NALF1: variants seen among roughly 807,000 people sequenced by gnomAD.
NALF1 encodes family with sequence similarity 155 member A.
In NALF1, 3 loss-of-function variants were observed where a neutral mutation model predicts 48.4. The ratio of observed to expected loss-of-function variants is 0.06; its 90% CI spans 0.03 to 0.16. The LOEUF is 0.16. NALF1 is among the 10% of genes least tolerant of loss of function. NALF1 has a pLI of 1.00. For missense variants in NALF1, 526 were observed against 571.5 expected (o/e 0.92, Z 0.81); for synonymous variants, 262 against 245.7 (o/e 1.07, Z -0.62).
intron 1 of NALF1, among the ~76,000 whole-genome samples, chr13:107,316,166 C>T (rs189541534): frequency 4.0e-5 from 6 of 151,824 alleles, no homozygotes; most frequent in African/African-American, 7.3e-5. Context: ...TTTGACCTTG[C>T]GATAGTTTGC....
intron 1 of NALF1, among the ~76,000 whole-genome samples, chr13:107,348,641 T>C (rs992344097): frequency 6.6e-6 from 1 of 152,034 alleles, no homozygotes; most frequent in Admixed American, 6.5e-5. Context: ...CCCCTCCCTG[T>C]GTCCACATGT....
intron 2 of NALF1, among the ~76,000 whole-genome samples, chr13:107,197,697 C>T (rs1879423139): frequency 6.6e-6 from 1 of 152,196 alleles, no homozygotes; most frequent in African/African-American, 2.4e-5. Context: ...CCTTCCAGCT[C>T]TACAGCTCTG....
chr13:107,793,845 GT>G (rs559920669), intron 1 of NALF1, among the ~76,000 whole-genome samples: 3,940 of 145,522 alleles, frequency 0.027, 118 homozygotes, highest in African/African-American at 0.074. Flanking sequence ...ATCACTAAAA[GT>G]TTTTTTTTTT....
chr13:107,708,237 T>C (rs1268375125), intron 1 of NALF1, among the ~76,000 whole-genome samples: 3 of 152,316 alleles, frequency 2.0e-5, no homozygotes, highest in African/African-American at 7.2e-5. Context: ...GCAAGAAGAA[T>C]GATCCTTATT....
At chr13:107,188,579 A>G (rs1056103030) in intron 2 of NALF1, among the ~76,000 whole-genome samples, 2 of 152,134 alleles carry the variant, frequency 1.3e-5, no homozygotes, top group African/African-American at 4.8e-5. Flanking sequence ...AGTTTTTGGG[A>G]GTAATGGAGA....
intron 1 of NALF1, among the ~76,000 whole-genome samples, chr13:107,214,347 T>C (rs941633413): frequency 1.3e-5 from 2 of 152,346 alleles, no homozygotes; most frequent in African/African-American, 4.8e-5. Flanking sequence ...ATAAGAACTA[T>C]GGAGTACAAA....
chr13:107,734,407 A>AT (rs144033603), intron 1 of NALF1, among the ~76,000 whole-genome samples: 4 of 146,494 alleles, frequency 2.7e-5, no homozygotes, highest in African/African-American at 1.0e-4. Flanking sequence ...CCTTTAAAAA[A>AT]AAACACACAC....
chr13:107,454,959 C>G (rs766068129), intron 1 of NALF1, among the ~76,000 whole-genome samples: 1 of 152,034 alleles, frequency 6.6e-6, no homozygotes, highest in African/African-American at 2.4e-5. Flanking sequence ...TGATATGGTT[C>G]GACTTTGTGT....
In NALF1 at chr13:107,478,236, T is replaced by C. The variant is rs573230178; in HGVS notation, c.916-267481A>G. Reference sequence around the variant, plus strand: ...AACACTCATTTTCTCACATAAGAAATGTGCATTTTTGATGTGAACAGAGTA... The same window carrying C: ...AACACTCATTTTCTCACATAAGAAACGTGCATTTTTGATGTGAACAGAGTA... On this transcript the variant is annotated intron_variant, in intron 1 of 2. Transcript: ENST00000375915. 5.3e-5 allele frequency among the ~76,000 whole-genome samples: 8 copies of C among 152,294 alleles called. No homozygotes were observed. In the South Asian group the frequency reaches 1.7e-3, roughly 32 times the overall value.
At chr13:107,279,969 T>C (rs74241524) in intron 1 of NALF1, among the ~76,000 whole-genome samples, 11,047 of 152,238 alleles carry the variant, frequency 0.073, 761 homozygotes, top group East Asian at 0.38. Context: ...GTTTGTTTTG[T>C]ATTATAGAGA....
At chr13:107,405,909 CA>C (rs1883890211) in intron 1 of NALF1, among the ~76,000 whole-genome samples, 1 of 152,066 alleles carries the variant, frequency 6.6e-6, no homozygotes. Flanking sequence ...TGGCAATTAG[CA>C]AATTCAGCCA....
At chr13:107,246,407 T>TAAGCTA (rs142707959) in intron 1 of NALF1, among the ~76,000 whole-genome samples, 1 of 151,988 alleles carries the variant, frequency 6.6e-6, no homozygotes, top group African/African-American at 2.4e-5. Context: ...TAGAGTATTA[T>TAAGCTA]AAGCTAAAGC....
At chr13:107,547,908 T>C (rs1280840079) in intron 1 of NALF1, among the ~76,000 whole-genome samples, 1 of 152,158 alleles carries the variant, frequency 6.6e-6, no homozygotes, top group Non-Finnish European at 1.5e-5. Flanking sequence ...AATTAAGGAA[T>C]AGTGAACACT....
At chr13:107,506,759 C>T (rs1316446325) in intron 1 of NALF1, among the ~76,000 whole-genome samples, 1 of 151,806 alleles carries the variant, frequency 6.6e-6, no homozygotes, top group Non-Finnish European at 1.5e-5. Context: ...TTTATTTATC[C>T]ATTTATCTTT....
At chr13:107,605,317 T>C (rs1879034379) in intron 1 of NALF1, among the ~76,000 whole-genome samples, 1 of 152,206 alleles carries the variant, frequency 6.6e-6, no homozygotes, top group East Asian at 1.9e-4. Context: ...GCATTAAATA[T>C]GTAATACATC....
chr13:107,530,733 T>C (rs1876600440), intron 1 of NALF1, among the ~76,000 whole-genome samples: 1 of 152,130 alleles, frequency 6.6e-6, no homozygotes, highest in Non-Finnish European at 1.5e-5. Flanking sequence ...ACTTACATCA[T>C]ATTGATGTAA....
At chr13:107,390,533 T>C (rs1041769524) in intron 1 of NALF1, among the ~76,000 whole-genome samples, 1 of 151,932 alleles carries the variant, frequency 6.6e-6, no homozygotes. Flanking sequence ...AGCAATGATA[T>C]GTATAAACCA....
chr13:107,820,771 G>C (rs1332211767), intron 1 of NALF1, among the ~76,000 whole-genome samples: 1 of 152,106 alleles, frequency 6.6e-6, no homozygotes, highest in African/African-American at 2.4e-5. Context: ...TCCAGTTCTA[G>C]TCTGTGGCTT....
intron 1 of NALF1, among the ~76,000 whole-genome samples, chr13:107,765,551 T>A (rs1358225964): frequency 2.6e-5 from 4 of 152,190 alleles, no homozygotes; most frequent in Admixed American, 2.6e-4. Context: ...TTTCGTTCTG[T>A]TTATGTGGAT....
Sources: gnomAD v4.1 joint callset for allele counts (sites outside exome capture counted in the v4.1 genomes callset) on GRCh38, gnomAD v4.1.1 for gene constraint, MANE v1.5 for transcripts, NCBI Gene and HGNC (gene_info 2026-07-23, HGNC 2026-07-21) for gene names.